ACSS2: variants seen among roughly 807,000 people sequenced by gnomAD.
ACSS2 encodes acyl-CoA synthetase short chain family member 2, also known as acetyl-coenzyme A synthetase, cytoplasmic.
A neutral mutation model predicts 90.6 loss-of-function variants in ACSS2; 58 were observed. The observed-to-expected ratio is 0.64, with a 90% CI of 0.52 to 0.80. ACSS2 has a LOEUF of 0.80. Among genes scored for constraint, ACSS2 ranks in the 30% least tolerant of loss-of-function variants. The pLI is 0.00. For synonymous variants in ACSS2, 300 were observed against 330.9 expected, an observed-to-expected ratio of 0.91 and a Z score of 1.01; for missense variants, 759 against 912.0, an observed-to-expected ratio of 0.83 and a Z score of 2.16.
chr20:34,903,151 G>A (rs886474443), intron 2 of ACSS2, among the ~76,000 whole-genome samples: 1 of 151,938 alleles, frequency 6.6e-6, no homozygotes, highest in Non-Finnish European at 1.5e-5. Flanking sequence ...AGACCAGACT[G>A]GCTAACATGG....
At chr20:34,898,793 G>A (rs6120756) in intron 2 of ACSS2, among the ~76,000 whole-genome samples, 82,326 of 151,896 alleles carry the variant, frequency 0.54, 23,045 homozygotes, top group South Asian at 0.73. Flanking sequence ...GTCCTGCGCC[G>A]TGTGCCTGCA....
Position 34,921,579 on chromosome 20 carries a change from A to T in ACSS2, c.1446A>T (p.Thr482=). Residue 482 remains threonine (T), a synonymous_variant, in exon 12 of 18, where the codon ACA becomes ACT. Coordinates refer to ENST00000360596, the MANE Select transcript of ACSS2 (RefSeq NM_018677.4). ...GHMLTPLPGA[T]PMKPGSATFP... Reference sequence around the variant, plus strand: ...TGTTGACTCCCCTTCCTGGTGCCACACCCATGAAACCCGGTTCTGCTGTGA... The same window carrying T: ...TGTTGACTCCCCTTCCTGGTGCCACTCCCATGAAACCCGGTTCTGCTGTGA... 6.2e-7 allele frequency: 1 copy of T among 1,614,054 alleles called. No individual in the cohort carries two copies. Among genetic ancestry groups the T allele is most frequent in the Non-Finnish European group, 8.5e-7 (1 of 1,180,022 alleles).
At chr20:34,908,734 G>T (rs1158275129) in intron 2 of ACSS2, 1 of 309,034 alleles carries the variant, frequency 3.2e-6, no homozygotes, top group Non-Finnish European at 6.3e-6. Context: ...GGTGGTGCAC[G>T]CCTGTAATCC....
chr20:34,894,324 A>G (rs2080410462), intron 2 of ACSS2, among the ~76,000 whole-genome samples: 1 of 151,972 alleles, frequency 6.6e-6, no homozygotes, highest in Non-Finnish European at 1.5e-5. Flanking sequence ...CCCCATCTCT[A>G]TAAAAAATTT....
At chr20:34,876,416 CT>C (rs1431556484), upstream of ACSS2, 10 of 410,372 alleles carry the variant, frequency 2.4e-5, no homozygotes, top group Admixed American at 2.2e-4. Flanking sequence ...AGCTCCACCC[CT>C]ATCCCTCGAC....
chr20:34,907,097 G>A (rs1354199803), intron 2 of ACSS2, among the ~76,000 whole-genome samples: 1 of 149,570 alleles, frequency 6.7e-6, no homozygotes, highest in African/African-American at 2.5e-5. Flanking sequence ...ATAATGGAAC[G>A]TTTCATGAAA....
rs1452218159 is a variant in ACSS2 at position 34,920,532 on chromosome 20, C to T, written c.973-7C>T. The T allele has an allele frequency of 6.2e-7, 1 of 1,612,980 alleles. No individual in the cohort carries two copies. Among genetic ancestry groups the T allele is most frequent in the Admixed American group, 1.7e-5 (1 of 59,930 alleles). ...AGACCCTAACCTGTTCCCCATTCTT[C>T]CCACAGGGTGTGGTTCACACAGTTG... On this transcript the variant is annotated splice_polypyrimidine_tract_variant and splice_region_variant and intron_variant, in intron 8 of 17. Coordinates refer to ENST00000360596, the MANE Select transcript of ACSS2 (RefSeq NM_018677.4).
chr20:34,921,589 C>G lies in ACSS2; in HGVS notation c.1456C>G (p.Pro486Ala). Residue 486 changes from proline to alanine, a missense_variant, in exon 12 of 18, where the codon CCC becomes GCC. Physicochemically the swap from Pro to Ala is conservative, Grantham distance 27. Transcript: ENST00000360596. ...TPLPGATPMK[P>A]GSATFPFFGV... ...CCTTCCTGGTGCCACACCCATGAAA[C>G]CCGGTTCTGCTGTGAGTGATGCTTC... The G allele has an allele frequency of 6.2e-7, 1 of 1,614,230 alleles. No homozygotes were observed. The highest frequency in any genetic ancestry group is 8.5e-7 in the Non-Finnish European group (1 of 1,180,036).
chr20:34,888,370 T>C (rs1254749111), intron 2 of ACSS2, among the ~76,000 whole-genome samples: 2 of 151,166 alleles, frequency 1.3e-5, no homozygotes, highest in African/African-American at 4.9e-5. Flanking sequence ...TTGAATAGGA[T>C]AAAAAAAAAC....
At position 34,921,132 on chromosome 20, in the gene ACSS2, G is replaced by A. The variant is rs1237982969; in HGVS notation, c.1270G>A (p.Val424Ile). ...RLLMKFGDEPVTKHSRASLQV... is the reference protein window; with the variant it reads ...RLLMKFGDEPITKHSRASLQV... The stretch of plus-strand genomic sequence containing the variant: ...GCTCATGAAGTTTGGAGATGAGCCT[G>A]TCACCAAGTGAGACCTCTTCCCAGT... The change falls in exon 10 of 18, where the codon GTC becomes ATC. Residue 424 changes from valine (V) to isoleucine (I), a missense_variant. Physicochemically the swap from Val to Ile is conservative, Grantham distance 29. Transcript: ENST00000360596. 6.2e-7 allele frequency: 1 copy of A among 1,614,204 alleles called. No individual in the cohort carries two copies. The highest frequency in any genetic ancestry group is 1.1e-5 in the South Asian group (1 of 91,084).
intron 2 of ACSS2, among the ~76,000 whole-genome samples, chr20:34,902,200 G>C: frequency 6.6e-6 from 1 of 152,148 alleles, no homozygotes; most frequent in East Asian, 1.9e-4. Context: ...GAGGGATTCA[G>C]CAGTGAACAA....
At chr20:34,916,542 G>A (rs964387400) in intron 7 of ACSS2, among the ~76,000 whole-genome samples, 1 of 152,056 alleles carries the variant, frequency 6.6e-6, no homozygotes, top group Non-Finnish European at 1.5e-5. Flanking sequence ...GAGACCTTCA[G>A]GCCAAAGGCT....
At chr20:34,887,172 A>T (rs1369363970) in intron 2 of ACSS2, among the ~76,000 whole-genome samples, 1 of 152,254 alleles carries the variant, frequency 6.6e-6, no homozygotes. Context: ...GGGACAAAGA[A>T]GCTAAGTGAT....
intron 15 of ACSS2, 30 bp from the exon 16 acceptor site, chr20:34,926,071 ATCTC>A: frequency 6.2e-7 from 1 of 1,609,768 alleles, no homozygotes; most frequent in Non-Finnish European, 8.5e-7. Flanking sequence ...AGAGCCTGGG[ATCTC>A]TCTCATGGCA....
At chr20:34,894,788 A>G (rs1435980554) in intron 2 of ACSS2, among the ~76,000 whole-genome samples, 3 of 152,236 alleles carry the variant, frequency 2.0e-5, no homozygotes, top group African/African-American at 7.2e-5. Context: ...TGTACTTGCT[A>G]AGACCACAAG....
At chr20:34,920,746 A>G in intron 9 of ACSS2, 37 bp downstream of exon 9, 5 of 1,586,578 alleles carry the variant, frequency 3.2e-6, no homozygotes, top group Non-Finnish European at 4.3e-6. Flanking sequence ...TGGGGGATGG[A>G]CAAGATTATC....
upstream of ACSS2, chr20:34,876,540 A>C: frequency 8.1e-7 from 1 of 1,238,044 alleles, no homozygotes. Context: ...CCCACTCACC[A>C]GGCCCCGCCC....
At chr20:34,917,389 T>C (rs1162753303) in intron 7 of ACSS2, among the ~76,000 whole-genome samples, 1 of 152,248 alleles carries the variant, frequency 6.6e-6, no homozygotes, top group African/African-American at 2.4e-5. Context: ...CTCTCTCTTC[T>C]TCCTTTTTCT....
chr20:34,899,340 A>C (rs1459634223), intron 2 of ACSS2, among the ~76,000 whole-genome samples: 2 of 152,226 alleles, frequency 1.3e-5, no homozygotes, highest in Non-Finnish European at 2.9e-5. Context: ...AAGGGCTGTG[A>C]GGACTGCCAG....
Sources: gnomAD v4.1 joint callset for allele counts (sites outside exome capture counted in the v4.1 genomes callset) on GRCh38, gnomAD v4.1.1 for gene constraint, MANE v1.5 for transcripts, NCBI Gene and HGNC (gene_info 2026-07-23, HGNC 2026-07-21) for gene names.